Variants in OR13A1 observed in about 807,000 individuals in gnomAD.
OR13A1 encodes the protein olfactory receptor 13A1.
Under a neutral mutation model 7.5 loss-of-function variants are expected in OR13A1, and 10 were observed. That is an observed-to-expected ratio of 1.34 (90% confidence interval 0.83 to 2.27). The LOEUF (loss-of-function observed/expected upper bound fraction) is 2.27, where lower values mean the gene tolerates loss of function less well. Ranked by LOEUF, OR13A1 falls within the 30% of genes most tolerant of loss-of-function variation. The pLI is 0.00. For synonymous variants in OR13A1, 238 were observed against 177.9 expected, an observed-to-expected ratio of 1.34 and a Z score of -2.69; for missense variants, 509 against 419.1, an observed-to-expected ratio of 1.21 and a Z score of -1.87.
At chr10:45,309,724 T>A (rs1204233612) in intron 1 of OR13A1, among the ~76,000 whole-genome samples, 3 of 152,196 alleles carry the variant, frequency 2.0e-5, no homozygotes, top group Admixed American at 6.5e-5. Context: ...CGTAGATGTA[T>A]GTTTTTTCTT....
Position 45,303,658 on chromosome 10 carries a change from GGCTTTCT to G in OR13A1, c.758_764del (p.Gln253ProfsTer24). The G allele has an allele frequency of 6.2e-7, 1 of 1,614,182 alleles. No homozygotes were observed. Among genetic ancestry groups the G allele is most frequent in the Non-Finnish European group, 8.5e-7 (1 of 1,180,034 alleles). On this transcript the variant is annotated frameshift_variant, in exon 4 of 4. Transcript: ENST00000553795. LOFTEE classifies it low-confidence loss of function (END_TRUNC). The stretch of plus-strand genomic sequence containing the variant: ...TGAGGTGGGAAGAGCAGGTGGAGAA[GGCTTTCT>G]GCCTCCCCCAGGCAGTCTTCACCTT...
intron 1 of OR13A1, among the ~76,000 whole-genome samples, chr10:45,310,353 C>G (rs1017563533): frequency 2.6e-5 from 4 of 152,140 alleles, no homozygotes; most frequent in African/African-American, 9.7e-5. Context: ...GATTTAGGTT[C>G]CTCTCAAATC....
intron 1 of OR13A1, among the ~76,000 whole-genome samples, chr10:45,311,018 G>A (rs1838433294): frequency 6.6e-6 from 1 of 152,166 alleles, no homozygotes; most frequent in South Asian, 2.1e-4. Context: ...AAAGAGAGTA[G>A]GATCTGTGCT....
At position 45,303,163 on chromosome 10, in the gene OR13A1, T is replaced by C. The variant is rs554974944; in HGVS notation, c.*273A>G. The C allele has an allele frequency of 1.4e-3, 575 of 401,940 alleles. 5 individuals carry two copies. Among genetic ancestry groups the C allele is most frequent in the Non-Finnish European group, 1.6e-3 (363 of 226,424 alleles). 24.9% of individuals were successfully genotyped at this position (401,940 alleles called of 1,614,324 possible). ...TGAGTTGAAAACACAAGGAACACTTTTCTCCTCCTAGGCCCTGTGTTTCTC... is the reference window on the plus strand; with the variant it reads ...TGAGTTGAAAACACAAGGAACACTTCTCTCCTCCTAGGCCCTGTGTTTCTC... On this transcript the variant is annotated 3_prime_UTR_variant, in exon 4 of 4. Transcript: ENST00000553795.
At chr10:45,304,682 T>C (rs1196503922) in intron 3 of OR13A1, among the ~76,000 whole-genome samples, 1 of 152,210 alleles carries the variant, frequency 6.6e-6, no homozygotes, top group African/African-American at 2.4e-5. Flanking sequence ...GTCTTCATCA[T>C]CCATGATCTG....
chr10:45,304,752 T>C (rs1158057158), intron 3 of OR13A1, among the ~76,000 whole-genome samples: 1 of 152,198 alleles, frequency 6.6e-6, no homozygotes, highest in Non-Finnish European at 1.5e-5. Context: ...ATGCAGGCCT[T>C]TTAAAATATG....
rs755202239 is a variant in OR13A1 at position 45,303,593 on chromosome 10, T to C, written c.830A>G (p.Tyr277Cys). 15 of 1,613,910 alleles carry C rather than the reference T, an allele frequency of 9.3e-6. No homozygotes were observed. Among genetic ancestry groups the C allele is most frequent in the Admixed American group, 5.0e-5 (3 of 59,988 alleles). Residue 277 changes from tyrosine (Y) to cysteine (C), a missense_variant, in exon 4 of 4, where the codon TAC becomes TGC. By Grantham distance (194) the Tyr-to-Cys change is radical (BLOSUM62 -2). Transcript: ENST00000553795. ...GCTGTAGCCAGAGACCGGGCTTATG[T>C]AGGCGTAGAAGACAGCGGTGTAATA... ...CMYYTAVFYA[Y>C]ISPVSGYSAG... is the part of the protein sequence containing the mutation.
At chr10:45,312,914 G>T (rs1005812042) in intron 1 of OR13A1, among the ~76,000 whole-genome samples, 5 of 152,018 alleles carry the variant, frequency 3.3e-5, no homozygotes, top group Admixed American at 2.0e-4. Context: ...GTAGTATCTT[G>T]CAAGTTGAAA....
At chr10:45,304,633 A>G in intron 3 of OR13A1, 199 bp from the exon 4 acceptor site, 1 of 557,306 alleles carries the variant, frequency 1.8e-6, no homozygotes, top group Non-Finnish European at 3.1e-6. Context: ...ATGAAGCATC[A>G]TTCAACCTCA....
chr10:45,314,067 A>ATG (rs1353717133), intron 1 of OR13A1, among the ~76,000 whole-genome samples: 2 of 152,344 alleles, frequency 1.3e-5, no homozygotes, highest in East Asian at 3.8e-4. Context: ...ATCTATTTTG[A>ATG]TGAAAATGAC....
rs756174322 is a variant in OR13A1, at chr10:45,304,287, A to G, written c.136T>C (p.Phe46Leu). ...GAGTAGAGGAAGAGGAAACAGCTGA[A>G]TAAGAACACCCGGTATTCTGGGTGC... ...SEHPEYRVFLFSCFLFLYSGA... is the reference protein window; with the variant it reads ...SEHPEYRVFLLSCFLFLYSGA... The change falls in exon 4 of 4, where the codon TTC becomes CTC. Residue 46 changes from phenylalanine (F) to leucine (L), a missense_variant. Coordinates refer to ENST00000553795, the MANE Select transcript of OR13A1 (RefSeq NM_001004297.3). 1.2e-6 allele frequency: 2 copies of G among 1,614,096 alleles called. No homozygotes were observed. Among genetic ancestry groups the G allele is most frequent in the Non-Finnish European group, 1.7e-6 (2 of 1,180,052 alleles).
At position 45,303,543 on chromosome 10, in the gene OR13A1, G is replaced by C. The variant is rs768860469; in HGVS notation, c.880C>G (p.Leu294Val). 1 of 1,614,122 alleles carries C rather than the reference G, an allele frequency of 6.2e-7. No individual in the cohort carries two copies. Among genetic ancestry groups the C allele is most frequent in the South Asian group, 1.1e-5 (1 of 91,088 alleles). Residue 294 changes from leucine (L) to valine (V), a missense_variant, in exon 4 of 4, where the codon CTG (leucine) becomes GTG (valine). Physicochemically the swap from Leu to Val is conservative, Grantham distance 32. Transcript: ENST00000553795. ...GTAGGACTCAGCACAGTGTACAGCA[G>C]GCCAGCCAACTTGCTCTTCCCTGCG... Reference protein sequence around the residue: ...YSAGKSKLAGLLYTVLSPTLN... With the variant: ...YSAGKSKLAGVLYTVLSPTLN...
chr10:45,311,234 T>C (rs907700787), intron 1 of OR13A1, among the ~76,000 whole-genome samples: 1 of 152,246 alleles, frequency 6.6e-6, no homozygotes, highest in Non-Finnish European at 1.5e-5. Flanking sequence ...TTGGGTGCAT[T>C]TCATATTTCT....
At position 45,307,522 on chromosome 10, in the gene OR13A1, G is replaced by A. The variant is rs767362683; in HGVS notation, c.-109C>T. On this transcript the variant is annotated 5_prime_UTR_variant, in exon 3 of 4. Coordinates refer to ENST00000553795, the MANE Select transcript of OR13A1 (RefSeq NM_001004297.3). ...ATCGGGGCTCCAATCCTCTTTCCAT[G>A]AGAATGACCACAAGATTTCTTTACA... is the stretch of plus-strand genomic sequence containing the variant. The A allele has an allele frequency of 6.6e-6, 1 of 152,180 alleles. No individual in the cohort carries two copies. Among genetic ancestry groups the A allele is most frequent in the African/African-American group, 2.4e-5 (1 of 41,452 alleles). The allele number at this position is 152,180 out of a possible 1,614,324, so 9.4% of individuals were successfully genotyped here. A position where few individuals can be genotyped will look rare whatever the true frequency, so the allele number is the denominator to read the frequency against.
chr10:45,315,188 C>G (rs1034623871), intron 1 of OR13A1, among the ~76,000 whole-genome samples: 3 of 152,068 alleles, frequency 2.0e-5, no homozygotes, highest in Non-Finnish European at 4.4e-5. Flanking sequence ...CTGGCTCATG[C>G]CTGTAATCCC....
chr10:45,311,254 C>G (rs760661782), intron 1 of OR13A1, among the ~76,000 whole-genome samples: 1 of 152,182 alleles, frequency 6.6e-6, no homozygotes, highest in African/African-American at 2.4e-5. Context: ...TCAAGACATT[C>G]GCCTTCAACT....
chr10:45,304,314 C>T lies in OR13A1; in HGVS notation c.109G>A (p.Glu37Lys). ...VTEFILQGFS[E>K]HPEYRVFLFS... ...AAGAACACCCGGTATTCTGGGTGCT[C>T]CGAAAAGCCCTGCAGGATGAACTCG... Residue 37 changes from glutamate to lysine, a missense_variant, in exon 4 of 4, where the codon GAG becomes AAG. Transcript: ENST00000553795. 1 of 1,614,098 alleles carries T rather than the reference C, an allele frequency of 6.2e-7. No individual in the cohort carries two copies. Among genetic ancestry groups the T allele is most frequent in the Non-Finnish European group, 8.5e-7 (1 of 1,180,000 alleles).
At chr10:45,315,266 G>C (rs1838502819) in intron 1 of OR13A1, among the ~76,000 whole-genome samples, 1 of 151,840 alleles carries the variant, frequency 6.6e-6, no homozygotes, top group African/African-American at 2.4e-5. Flanking sequence ...GTGAGCTGAG[G>C]TCATGCCACT....
chr10:45,303,460 C>T lies in OR13A1; in HGVS notation c.963G>A (p.Lys321=), dbSNP rs1468100252. ...RNKEVKAALR[K]LFPFFRN ...GTTAATTTCTGAAGAAAGGGAAAAG[C>T]TTCCTGAGGGCTGCTTTGACCTCCT... Residue 321 remains lysine (K), a synonymous_variant, in exon 4 of 4, where the codon AAG becomes AAA. Transcript: ENST00000553795. 6.3e-7 allele frequency: 1 copy of T among 1,597,092 alleles called. No homozygotes were observed. Among genetic ancestry groups the T allele is most frequent in the South Asian group, 1.1e-5 (1 of 89,162 alleles).
Sources: gnomAD v4.1 joint callset for allele counts (sites outside exome capture counted in the v4.1 genomes callset) on GRCh38, gnomAD v4.1.1 for gene constraint, MANE v1.5 for transcripts, NCBI Gene and HGNC (gene_info 2026-07-23, HGNC 2026-07-21) for gene names.